The following CDKAL1 variants were observed in gnomAD, a reference collection of about 807,000 sequenced individuals.
CDKAL1 encodes the protein threonylcarbamoyladenosine tRNA methylthiotransferase.
Under a neutral mutation model 68.2 loss-of-function variants are expected in CDKAL1, and 32 were observed. That is an observed-to-expected ratio of 0.47 (90% confidence interval 0.35 to 0.63). CDKAL1 has a LOEUF of 0.63. Among genes scored for constraint, CDKAL1 ranks in the 30% least tolerant of loss-of-function variants. CDKAL1 has a pLI of 0.00. For missense variants in CDKAL1, 606 were observed against 696.7 expected (o/e 0.87, Z 1.47); for synonymous variants, 234 against 244.3 (o/e 0.96, Z 0.39).
At chr6:20,535,042 G>C (rs974972407) in intron 1 of CDKAL1, 4 of 152,186 alleles carry the variant, frequency 2.6e-5, no homozygotes, top group African/African-American at 9.7e-5. Flanking sequence ...GATGGAACGT[G>C]ATCTGGATGT....
rs936744564 is a variant in CDKAL1 at position 20,947,964 on chromosome 6, A to G, written c.743-7455A>G. Among the ~76,000 whole-genome samples, 4 of 150,536 alleles carry G rather than the reference A, an allele frequency of 2.7e-5. 1 individual carries two copies. Among genetic ancestry groups the G allele is most frequent in the African/African-American group, 7.3e-5 (3 of 40,926 alleles). On this transcript the variant is annotated intron_variant, in intron 9 of 15. Transcript: ENST00000274695. The stretch of plus-strand genomic sequence containing the variant: ...TTAAAGACAAAATTTTCTAATTTTA[A>G]TTATAGAATTTCAGTTCTGTTTGAC...
chr6:20,963,762 A>G (rs73379518), intron 10 of CDKAL1, among the ~76,000 whole-genome samples: 3,428 of 152,286 alleles, frequency 0.023, 130 homozygotes, highest in African/African-American at 0.077. Context: ...TTATATGGCC[A>G]TCAATAATTT....
intron 11 of CDKAL1, among the ~76,000 whole-genome samples, chr6:21,056,402 ATTGAG>A (rs1328687836): frequency 6.6e-6 from 1 of 152,050 alleles, no homozygotes; most frequent in East Asian, 1.9e-4. Flanking sequence ...GAAATTGTTT[ATTGAG>A]TTAAGAGGTT....
intron 8 of CDKAL1, among the ~76,000 whole-genome samples, chr6:20,843,360 A>G (rs1316431899): frequency 1.3e-5 from 2 of 151,944 alleles, no homozygotes. Context: ...TAAGACAGTT[A>G]CTTTTCATAA....
intron 2 of CDKAL1, among the ~76,000 whole-genome samples, chr6:20,536,751 G>A (rs1763188004): frequency 6.6e-6 from 1 of 152,112 alleles, no homozygotes; most frequent in East Asian, 1.9e-4. Flanking sequence ...ATACTTTAGG[G>A]GCCAAGATGG....
chr6:20,697,275 G>A (rs1771147904), intron 5 of CDKAL1, among the ~76,000 whole-genome samples: 1 of 152,116 alleles, frequency 6.6e-6, no homozygotes, highest in Non-Finnish European at 1.5e-5. Context: ...ATTAAAAAAT[G>A]CATAGAGCAT....
intron 4 of CDKAL1, among the ~76,000 whole-genome samples, chr6:20,640,067 A>T (rs1160832010): frequency 6.6e-6 from 1 of 152,218 alleles, no homozygotes; most frequent in East Asian, 1.9e-4. Context: ...TTTAGTAGGC[A>T]GTCAATGATT....
chr6:20,776,991 G>A (rs1775199720), intron 7 of CDKAL1, among the ~76,000 whole-genome samples: 1 of 152,140 alleles, frequency 6.6e-6, no homozygotes, highest in South Asian at 2.1e-4. Flanking sequence ...CAAGCAGTAG[G>A]GAAGGTCTGC....
intron 11 of CDKAL1, among the ~76,000 whole-genome samples, chr6:21,040,420 G>A (rs1769854268): frequency 6.6e-6 from 1 of 152,138 alleles, no homozygotes; most frequent in Non-Finnish European, 1.5e-5. Flanking sequence ...ATGTCTCTCA[G>A]TCAAGTTGAG....
chr6:20,756,918 T>TC (rs1308712963), intron 6 of CDKAL1: 3 of 117,184 alleles, frequency 2.6e-5, no homozygotes, highest in East Asian at 6.4e-4. Context: ...CTTCCTTCCT[T>TC]CCTTCCCTCC....
chr6:20,806,703 T>A (rs1017710841), intron 8 of CDKAL1, among the ~76,000 whole-genome samples: 1 of 152,068 alleles, frequency 6.6e-6, no homozygotes, highest in African/African-American at 2.4e-5. Context: ...CAGTTGTGAG[T>A]CAACAGATTT....
At chr6:20,744,359 T>G (rs1389342989) in intron 6 of CDKAL1, among the ~76,000 whole-genome samples, 2 of 152,140 alleles carry the variant, frequency 1.3e-5, no homozygotes, top group Non-Finnish European at 2.9e-5. Flanking sequence ...CACCATATCA[T>G]TATTTATTTG....
chr6:21,065,995 G>A lies in CDKAL1; in HGVS notation c.1236+767G>A, dbSNP rs571308380. ...ATTGCGGTTTTTGCCTTTAATTACC[G>A]CAATTACTTTTGCACTAACCTAAAT... On this transcript the variant is annotated intron_variant, in intron 12 of 15. Transcript: ENST00000274695. Among the ~76,000 whole-genome samples the A allele has an allele frequency of 5.3e-4, 80 of 150,936 alleles. 2 individuals are homozygous for A. Among genetic ancestry groups the A allele is most frequent in the African/African-American group, 1.9e-3 (77 of 41,166 alleles).
chr6:20,781,068 A>G (rs1278067469), intron 7 of CDKAL1, 77 bp from the exon 8 acceptor site: 23 of 1,400,548 alleles, frequency 1.6e-5, no homozygotes, highest in Non-Finnish European at 2.0e-5. Flanking sequence ...AGTTAAATGA[A>G]CACATTTGTT....
intron 8 of CDKAL1, among the ~76,000 whole-genome samples, chr6:20,816,626 AAT>A (rs1357425935): frequency 1.3e-5 from 2 of 152,308 alleles, no homozygotes; most frequent in South Asian, 2.1e-4. Flanking sequence ...AAGTGAATAG[AAT>A]ATGTTTTCAG....
chr6:20,902,485 C>T (rs1394538952), intron 9 of CDKAL1, among the ~76,000 whole-genome samples: 2 of 152,060 alleles, frequency 1.3e-5, no homozygotes, highest in African/African-American at 4.8e-5. Flanking sequence ...CTGGAAGAGG[C>T]AACTATTTGA....
In CDKAL1 at chr6:20,769,532, C is replaced by T. The variant is rs557257219; in HGVS notation, c.517+10889C>T. Reference sequence around the variant, plus strand: ...GCCTTGTCCCAAAGTGCTAGGATTACAGGTGTGAGCCACCACACCGGCCTT... The same window carrying T: ...GCCTTGTCCCAAAGTGCTAGGATTATAGGTGTGAGCCACCACACCGGCCTT... On this transcript the variant is annotated intron_variant, in intron 7 of 15. Coordinates refer to ENST00000274695, the MANE Select transcript of CDKAL1 (RefSeq NM_017774.3). 6.4e-4 allele frequency among the ~76,000 whole-genome samples: 98 copies of T among 152,220 alleles called. 3 individuals are homozygous for T. In the South Asian group the frequency reaches 0.019, roughly 30 times the overall value.
rs1199129523 is a variant in CDKAL1, at chr6:20,969,937, CT to C, written c.909+14366del. Among the ~76,000 whole-genome samples the C allele has an allele frequency of 4.0e-3, 565 of 139,606 alleles. 2 individuals are homozygous for C. Among genetic ancestry groups the C allele is most frequent in the East Asian group, 8.8e-3 (43 of 4,866 alleles). The allele number at this position is 139,606 out of a possible 152,430, so 91.6% of individuals were successfully genotyped here. A position where few individuals can be genotyped will look rare whatever the true frequency, so the allele number is the denominator to read the frequency against. ...TTTGTATGGATATCACATTCCCTGCCTTTTTTTTTTTTTTAAGCTTTTTGAT... is the reference window on the plus strand; with the variant it reads ...TTTGTATGGATATCACATTCCCTGCCTTTTTTTTTTTTTAAGCTTTTTGAT... On this transcript the variant is annotated intron_variant, in intron 10 of 15. Transcript: ENST00000274695.
intron 11 of CDKAL1, among the ~76,000 whole-genome samples, chr6:21,050,112 T>C (rs1770462016): frequency 6.6e-6 from 1 of 152,226 alleles, no homozygotes. Context: ...TTAAAAGTTT[T>C]ATTACTTTCA....
Sources: gnomAD v4.1 joint callset for allele counts (sites outside exome capture counted in the v4.1 genomes callset) on GRCh38, gnomAD v4.1.1 for gene constraint, MANE v1.5 for transcripts, NCBI Gene and HGNC (gene_info 2026-07-23, HGNC 2026-07-21) for gene names.